Variants in SDK1 observed in about 807,000 individuals in gnomAD.
SDK1 encodes the protein protein sidekick-1.
Under a neutral mutation model 245.5 loss-of-function variants are expected in SDK1, and 157 were observed. That is an observed-to-expected ratio of 0.64 (90% CI 0.56 to 0.73). The LOEUF (loss-of-function observed/expected upper bound fraction) is 0.73, where lower values mean the gene tolerates loss of function less well. SDK1 is among the 30% of genes least tolerant of loss of function. The probability of loss-of-function intolerance (pLI) is 0.00; values close to 1 mark genes in which losing one functional copy is unlikely to be tolerated. For synonymous variants in SDK1, 1,647 were observed against 1,278.5 expected (o/e 1.29, Z -6.15); for missense variants, 3,583 against 3,002.3 (o/e 1.19, Z -4.52).
chr7:3,322,607 C>T (rs1176694519), intron 1 of SDK1, among the ~76,000 whole-genome samples: 2 of 152,140 alleles, frequency 1.3e-5, no homozygotes, highest in Non-Finnish European at 2.9e-5. Context: ...AGAAGAATTC[C>T]AGTTGGTCAG....
At chr7:3,869,266 C>G (rs1780900084) in intron 5 of SDK1, among the ~76,000 whole-genome samples, 1 of 151,674 alleles carries the variant, frequency 6.6e-6, no homozygotes, top group African/African-American at 2.4e-5. Flanking sequence ...AGCGATTCTC[C>G]TGCCTCAGCC....
intron 4 of SDK1, among the ~76,000 whole-genome samples, chr7:3,658,634 C>G (rs1002371564): frequency 1.8e-5 from 2 of 113,896 alleles, no homozygotes; most frequent in Non-Finnish European, 3.4e-5. Context: ...TTTTTTGAGA[C>G]AGACTCACAG....
At position 3,486,281 on chromosome 7, in the gene SDK1, A is replaced by G. The variant is rs150396502; in HGVS notation, c.299-132799A>G. ...TGAGGTTGTTTTCTTTTCCATTTCT[A>G]TTGTACTTTATTTGGATCTTCTTTC... On this transcript the variant is annotated intron_variant, in intron 1 of 44. Transcript: ENST00000404826. Among the ~76,000 whole-genome samples the G allele has an allele frequency of 3.2e-3, 489 of 151,836 alleles. 2 individuals are homozygous for G. The highest frequency in any genetic ancestry group is 0.011 in the African/African-American group (460 of 41,422).
chr7:3,450,569 A>G (rs1445319752), intron 1 of SDK1, among the ~76,000 whole-genome samples: 3 of 152,196 alleles, frequency 2.0e-5, no homozygotes, highest in Non-Finnish European at 2.9e-5. Flanking sequence ...GATTTGGTTT[A>G]TGAAAACGAG....
chr7:3,859,467 G>A (rs1272171498), intron 5 of SDK1, among the ~76,000 whole-genome samples: 1 of 152,104 alleles, frequency 6.6e-6, no homozygotes, highest in African/African-American at 2.4e-5. Context: ...TTAAAAGCAG[G>A]CTGTAGGTGC....
intron 1 of SDK1, among the ~76,000 whole-genome samples, chr7:3,482,855 G>A (rs552275327): frequency 7.9e-5 from 12 of 152,302 alleles, no homozygotes; most frequent in African/African-American, 2.6e-4. Context: ...TCTTGATTAC[G>A]AAATAATCTG....
chr7:3,832,162 A>C (rs1470803677), intron 5 of SDK1, among the ~76,000 whole-genome samples: 1 of 152,232 alleles, frequency 6.6e-6, no homozygotes, highest in African/African-American at 2.4e-5. Flanking sequence ...TAACAAATCA[A>C]AGCAACAAGT....
At chr7:3,801,537 C>T (rs1226338867) in intron 4 of SDK1, among the ~76,000 whole-genome samples, 1 of 152,214 alleles carries the variant, frequency 6.6e-6, no homozygotes, top group Non-Finnish European at 1.5e-5. Context: ...ATCGTCCTCT[C>T]TCCTTAGCCC....
At position 3,598,462 on chromosome 7, in the gene SDK1, G is replaced by A. The variant is rs369957189; in HGVS notation, c.299-20618G>A. 4.6e-5 allele frequency among the ~76,000 whole-genome samples: 7 copies of A among 152,040 alleles called. No individual in the cohort carries two copies. The East Asian group carries it at 5.8e-4, about 13-fold the overall frequency. On this transcript the variant is annotated intron_variant, in intron 1 of 44. Transcript: ENST00000404826. The stretch of plus-strand genomic sequence containing the variant: ...GTTAGAAGTAATACACAGAGATCCC[G>A]TGTACCCATGTAGACTCTCCCAATG...
intron 35 of SDK1, among the ~76,000 whole-genome samples, chr7:4,205,446 C>T (rs1009882867): frequency 6.6e-6 from 1 of 152,180 alleles, no homozygotes; most frequent in African/African-American, 2.4e-5. Context: ...TTAACATCCT[C>T]ACCCACCAAT....
intron 7 of SDK1, 43 bp from the exon 8 acceptor site, chr7:3,958,888 C>A (rs763801729): frequency 1.4e-6 from 2 of 1,472,118 alleles, no homozygotes; most frequent in Admixed American, 1.7e-5. Context: ...TCTGACATAT[C>A]CTTCTTTGGC....
intron 1 of SDK1, among the ~76,000 whole-genome samples, chr7:3,588,096 A>G (rs982404283): frequency 5.9e-5 from 9 of 152,224 alleles, no homozygotes; most frequent in African/African-American, 2.2e-4. Flanking sequence ...TGGATCTACG[A>G]GCCCTGTATT....
intron 38 of SDK1, among the ~76,000 whole-genome samples, chr7:4,216,299 A>G (rs531674632): frequency 1.2e-3 from 181 of 152,112 alleles, no homozygotes; most frequent in African/African-American, 4.0e-3. Flanking sequence ...TGGAGGTTAC[A>G]CCATCCAGCC....
intron 1 of SDK1, among the ~76,000 whole-genome samples, chr7:3,555,825 G>A (rs1232372069): frequency 6.6e-6 from 1 of 152,126 alleles, no homozygotes; most frequent in African/African-American, 2.4e-5. Context: ...AAACGTCATT[G>A]ATCATCAGAG....
intron 28 of SDK1, among the ~76,000 whole-genome samples, chr7:4,140,348 C>T (rs1779497405): frequency 1.3e-5 from 2 of 152,188 alleles, no homozygotes; most frequent in African/African-American, 2.4e-5. Context: ...TGGAACAATT[C>T]AGCCTCCCCA....
In SDK1 at chr7:3,564,346, C is replaced by A. The variant is rs144310297; in HGVS notation, c.299-54734C>A. Among the ~76,000 whole-genome samples the A allele has an allele frequency of 7.1e-3, 1,083 of 151,988 alleles. 10 individuals are homozygous for A. Among genetic ancestry groups the A allele is most frequent in the South Asian group, 0.018 (86 of 4,800 alleles). ...GAAAAGAGAAGCTAAAAATAAAATACAGGACAATGCTGGCACCTGTAGTCC... is the reference window on the plus strand; with the variant it reads ...GAAAAGAGAAGCTAAAAATAAAATAAAGGACAATGCTGGCACCTGTAGTCC... On this transcript the variant is annotated intron_variant, in intron 1 of 44. Coordinates refer to ENST00000404826, the MANE Select transcript of SDK1 (RefSeq NM_152744.4).
intron 17 of SDK1, among the ~76,000 whole-genome samples, chr7:4,047,214 A>T (rs1434600156): frequency 1.3e-5 from 2 of 152,100 alleles, no homozygotes; most frequent in South Asian, 4.2e-4. Flanking sequence ...TGATTATTAA[A>T]TTTTGCCGAA....
intron 35 of SDK1, among the ~76,000 whole-genome samples, chr7:4,193,489 C>T (rs1783362710): frequency 6.7e-6 from 1 of 150,152 alleles, no homozygotes; most frequent in African/African-American, 2.5e-5. Context: ...GAAGCTGTTC[C>T]TTCTGGCAAA....
At chr7:4,139,184 A>ACC (rs59892637) in intron 28 of SDK1, among the ~76,000 whole-genome samples, 3 of 151,304 alleles carry the variant, frequency 2.0e-5, no homozygotes, top group South Asian at 2.1e-4. Context: ...TTCTCTACCC[A>ACC]CCCCCCATTT....
Sources: allele counts gnomAD v4.1 joint callset (sites outside exome capture counted in the v4.1 genomes callset), GRCh38; gene constraint gnomAD v4.1.1; transcripts MANE v1.5; gene names NCBI Gene and HGNC (gene_info 2026-07-23, HGNC 2026-07-21).